RBX1: variants seen among roughly 807,000 people sequenced by gnomAD.
RBX1 encodes the protein ring-box 1.
For missense variants in RBX1, 46 were observed against 141.4 expected (o/e 0.33, Z 3.42); for synonymous variants, 48 against 47.9 (o/e 1.00, Z -0.01).
chr22:40,967,931 G>A (rs780237732), intron 4 of RBX1, 47 bp downstream of exon 4: 1 of 1,313,684 alleles, frequency 7.6e-7, no homozygotes, highest in East Asian at 2.3e-5. Context: ...CTTGCCTCAG[G>A]CTGAAAGGAG....
rs760130748 is a variant in RBX1 at position 40,951,426 on chromosome 22, C to G, written c.28C>G (p.Pro10Ala). Residue 10 changes from proline to alanine, a missense_variant, in exon 1 of 5, where the codon CCG (proline) becomes GCG (alanine). Physicochemically the swap from Pro to Ala is conservative, Grantham distance 27. Transcript: ENST00000216225. ...GGCGGCAGCGATGGATGTGGATACC[C>G]CGAGCGGCACCAACAGCGGCGCGGG... MAAAMDVDT[P>A]SGTNSGAGKK... 3 of 1,613,482 alleles carry G rather than the reference C, an allele frequency of 1.9e-6. No homozygotes were observed. The highest frequency in any genetic ancestry group is 2.2e-5 in the East Asian group (1 of 44,878).
intron 2 of RBX1, among the ~76,000 whole-genome samples, chr22:40,960,070 T>C (rs976155258): frequency 6.6e-6 from 1 of 151,992 alleles, no homozygotes; most frequent in South Asian, 2.1e-4. Context: ...GTGTGGAGAT[T>C]GTGCCACTGC....
At chr22:40,961,081 C>CTTTTTTTTTTTTTTTTTTTTTTTTTTTT (rs61092253) in intron 2 of RBX1, among the ~76,000 whole-genome samples, 1 of 107,670 alleles carries the variant, frequency 9.3e-6, no homozygotes, top group African/African-American at 3.7e-5. Flanking sequence ...CGTGCCTGGC[C>CTTTTTTTTTTTTTTTTTTTTTTTTTTTT]TTTTTTTTTT....
intron 1 of RBX1, 62 bp downstream of exon 1, chr22:40,951,538 C>A: frequency 6.6e-7 from 1 of 1,525,284 alleles, no homozygotes; most frequent in South Asian, 1.1e-5. Context: ...GCTGGCAGGC[C>A]CGAGGATGGT....
chr22:40,959,954 T>C (rs537677874), intron 2 of RBX1, among the ~76,000 whole-genome samples: 1 of 151,862 alleles, frequency 6.6e-6, no homozygotes, highest in Non-Finnish European at 1.5e-5. Context: ...CCGTCTCTAC[T>C]AAAAATACAA....
chr22:40,959,234 T>G (rs1478924161), intron 2 of RBX1, among the ~76,000 whole-genome samples: 1 of 152,188 alleles, frequency 6.6e-6, no homozygotes, highest in Non-Finnish European at 1.5e-5. Flanking sequence ...GCTTTATAAA[T>G]CACATGATAG....
Position 40,951,440 on chromosome 22 carries a change from C to G in RBX1, c.42C>G (p.Asn14Lys), listed in dbSNP as rs2058309961. The part of the protein sequence containing the change: ...AMDVDTPSGT[N>K]SGAGKKRFEV... ...ATGTGGATACCCCGAGCGGCACCAACAGCGGCGCGGGCAAGAAGCGCTTTG... is the reference window on the plus strand; with the variant it reads ...ATGTGGATACCCCGAGCGGCACCAAGAGCGGCGCGGGCAAGAAGCGCTTTG... The change falls in exon 1 of 5, where the codon AAC becomes AAG. Residue 14 changes from asparagine (N) to lysine (K), a missense_variant. Coordinates refer to ENST00000216225, the MANE Select transcript of RBX1 (RefSeq NM_014248.4). 6.2e-7 allele frequency: 1 copy of G among 1,613,634 alleles called. No individual in the cohort carries two copies. The highest frequency in any genetic ancestry group is 1.3e-5 in the African/African-American group (1 of 74,950).
intron 1 of RBX1, among the ~76,000 whole-genome samples, chr22:40,951,780 A>C (rs1158205666): frequency 1.6e-5 from 1 of 61,924 alleles, no homozygotes; most frequent in East Asian, 3.8e-4. Flanking sequence ...GGAGTGGTTG[A>C]GAGGTGGGGG....
intron 3 of RBX1, among the ~76,000 whole-genome samples, chr22:40,965,358 A>G (rs897093911): frequency 2.0e-5 from 3 of 150,864 alleles, no homozygotes; most frequent in Non-Finnish European, 4.4e-5. Flanking sequence ...TACTGTGTAG[A>G]TGGTGTTCTC....
intron 3 of RBX1, 88 bp from the exon 4 acceptor site, chr22:40,967,711 C>T: frequency 1.0e-6 from 1 of 980,114 alleles, no homozygotes; most frequent in South Asian, 1.4e-5. Context: ...CTATATGTCA[C>T]CCATGCCACT....
rs2146305709 is a variant in RBX1, at chr22:40,972,915, G to A, written c.*427G>A. On this transcript the variant is annotated 3_prime_UTR_variant, in exon 5 of 5. Transcript: ENST00000216225. Reference sequence around the variant, plus strand: ...AGCAGTGGGCAGCTGAAAGAGGGAAGAATGTGGGATTCAGTCATCAAACCC... The same window carrying A: ...AGCAGTGGGCAGCTGAAAGAGGGAAAAATGTGGGATTCAGTCATCAAACCC... The A allele has an allele frequency of 6.0e-6, 1 of 167,740 alleles. No individual in the cohort carries two copies. The highest frequency in any genetic ancestry group is 5.9e-5 in the Admixed American group (1 of 16,886). The allele number at this position is 167,740 out of a possible 1,614,324, so 10.4% of individuals were successfully genotyped here.
Position 40,972,509 on chromosome 22 carries a change from G to A in RBX1, c.*21G>A. The A allele has an allele frequency of 6.3e-7, 1 of 1,590,392 alleles. No homozygotes were observed. Among genetic ancestry groups the A allele is most frequent in the Non-Finnish European group, 8.6e-7 (1 of 1,158,648 alleles). ...ACTAGGAAAAGACTTCTTCCATCAA[G>A]CTTAATTGTTTTGTTATTCATTTAA... On this transcript the variant is annotated 3_prime_UTR_variant, in exon 5 of 5. Transcript: ENST00000216225.
chr22:40,966,812 C>G (rs1159174086), intron 3 of RBX1: 1 of 152,140 alleles, frequency 6.6e-6, no homozygotes, highest in Non-Finnish European at 1.5e-5. Context: ...AATTTCTGCC[C>G]GTGCCCCACC....
intron 2 of RBX1, among the ~76,000 whole-genome samples, chr22:40,954,132 A>G (rs1305839390): frequency 1.3e-5 from 2 of 152,002 alleles, no homozygotes; most frequent in East Asian, 3.9e-4. Flanking sequence ...AGCTGGGCGT[A>G]CTGGTGCATG....
chr22:40,963,044 G>T (rs986833438), intron 2 of RBX1, among the ~76,000 whole-genome samples: 1 of 151,112 alleles, frequency 6.6e-6, no homozygotes, highest in African/African-American at 2.4e-5. Flanking sequence ...GTTTCACCAT[G>T]TTGGGTGGGC....
intron 2 of RBX1, among the ~76,000 whole-genome samples, chr22:40,955,434 A>G (rs1296642506): frequency 6.6e-6 from 1 of 152,156 alleles, no homozygotes; most frequent in East Asian, 1.9e-4. Context: ...TAAAGTAAAA[A>G]GAAAATAAAA....
chr22:40,971,054 G>C (rs965924668), intron 4 of RBX1, among the ~76,000 whole-genome samples: 6 of 152,184 alleles, frequency 3.9e-5, no homozygotes, highest in African/African-American at 1.4e-4. Context: ...ACTTTTCATA[G>C]TTTTCAGGGG....
chr22:40,970,980 C>T (rs2058367548), intron 4 of RBX1, among the ~76,000 whole-genome samples: 1 of 152,150 alleles, frequency 6.6e-6, no homozygotes, highest in Non-Finnish European at 1.5e-5. Flanking sequence ...TGAGACGGTC[C>T]TTCCTGCCCT....
At chr22:40,957,974 G>A (rs1601535508) in intron 2 of RBX1, among the ~76,000 whole-genome samples, 1 of 151,902 alleles carries the variant, frequency 6.6e-6, no homozygotes, top group East Asian at 1.9e-4. Flanking sequence ...ACAGGTACCC[G>A]CCACCACACC....
Sources: allele counts gnomAD v4.1 joint callset (sites outside exome capture counted in the v4.1 genomes callset), GRCh38; gene constraint gnomAD v4.1.1; transcripts MANE v1.5; gene names NCBI Gene and HGNC (gene_info 2026-07-23, HGNC 2026-07-21).